TRPM2: variants seen among roughly 807,000 people sequenced by gnomAD.
The protein encoded by TRPM2 is estrogen-responsive element-associated gene 1 protein.
In TRPM2, 161 loss-of-function variants were observed where a neutral mutation model predicts 174.0. The observed-to-expected ratio is 0.93, with a 90% CI of 0.81 to 1.05. The LOEUF is 1.05. TRPM2 is among the 50% of genes least tolerant of loss of function. The pLI, the probability that TRPM2 is intolerant of heterozygous loss-of-function variation, is 0.00. For synonymous variants in TRPM2, 954 were observed against 861.3 expected, an observed-to-expected ratio of 1.11 and a Z score of -1.88; for missense variants, 2,057 against 2,038.0, an observed-to-expected ratio of 1.01 and a Z score of -0.18.
chr21:44,406,709 G>C lies in TRPM2; in HGVS notation c.2906G>C (p.Gly969Ala). Residue 969 changes from glycine to alanine, a missense_variant, in exon 19 of 32, where the codon GGG becomes GCG. Gly to Ala is a moderately conservative substitution (Grantham distance 60, BLOSUM62 0). Coordinates refer to ENST00000397928, the MANE Select transcript of TRPM2 (RefSeq NM_003307.4). ...NERRVDWLFRGAVYHSYLTIF... is the reference protein window; with the variant it reads ...NERRVDWLFRAAVYHSYLTIF... ...CGCCGGGTGGACTGGCTGTTCCGAG[G>C]GGCCGTCTACCACTCCTACCTCACC... is the stretch of plus-strand genomic sequence containing the variant. 6.2e-7 allele frequency: 1 copy of C among 1,608,892 alleles called. No homozygotes were observed. Among genetic ancestry groups the C allele is most frequent in the South Asian group, 1.1e-5 (1 of 90,740 alleles).
At chr21:44,383,767 C>A (rs1484228307) in intron 9 of TRPM2, among the ~76,000 whole-genome samples, 1 of 151,976 alleles carries the variant, frequency 6.6e-6, no homozygotes, top group Non-Finnish European at 1.5e-5. Flanking sequence ...CCTTACACAG[C>A]CAATGGATGA....
intron 19 of TRPM2, among the ~76,000 whole-genome samples, chr21:44,408,171 T>TCCTG (rs2049970241): frequency 6.6e-6 from 1 of 152,076 alleles, no homozygotes. Context: ...GGTCTTGAAC[T>TCCTG]CCTGACCTCA....
In TRPM2 at chr21:44,364,118, G is replaced by A. The variant is rs769464293; in HGVS notation, c.259G>A (p.Val87Met). 5.6e-6 allele frequency: 9 copies of A among 1,613,680 alleles called. No homozygotes were observed. The East Asian group carries it at 1.8e-4, about 32-fold the overall frequency. Reference sequence around the variant, plus strand: ...ACTGGTGCTGTGTCTTTGCAGGAAGGTGGTGTGTCAGTGTGGCTACACGCA... The same window carrying A: ...ACTGGTGCTGTGTCTTTGCAGGAAGATGGTGTGTCAGTGTGGCTACACGCA... ...ESSKLSDAGKVVCQCGYTHEQ... is the reference protein window; with the variant it reads ...ESSKLSDAGKMVCQCGYTHEQ... The change falls in exon 3 of 32, where the codon GTG becomes ATG. Residue 87 changes from valine to methionine, a missense_variant. By Grantham distance (21) the Val-to-Met change is conservative (BLOSUM62 1). Coordinates refer to ENST00000397928, the MANE Select transcript of TRPM2 (RefSeq NM_003307.4).
upstream of TRPM2, among the ~76,000 whole-genome samples, chr21:44,353,062 A>T (rs2047952690): frequency 6.6e-6 from 1 of 152,242 alleles, no homozygotes; most frequent in East Asian, 1.9e-4. Flanking sequence ...AGGCTAAGGC[A>T]GGAGAATCAC....
rs138387441 is a variant in TRPM2 at position 44,357,856 on chromosome 21, G to A, written c.254+3120G>A. Reference sequence around the variant, plus strand: ...AGATCTGCTGCACCGAGTCTGTCCCGCACAGAAGCCGCTCTCATCTCACCA... The same window carrying A: ...AGATCTGCTGCACCGAGTCTGTCCCACACAGAAGCCGCTCTCATCTCACCA... On this transcript the variant is annotated intron_variant, in intron 2 of 31. Transcript: ENST00000397928. Among the ~76,000 whole-genome samples, 668 of 152,246 alleles carry A rather than the reference G, an allele frequency of 4.4e-3. 4 individuals carry two copies. The highest frequency in any genetic ancestry group is 0.016 in the African/African-American group (645 of 41,542).
chr21:44,418,363 G>A (rs2050390327), intron 21 of TRPM2, 60 bp from the exon 22 acceptor site: 1 of 1,591,926 alleles, frequency 6.3e-7, no homozygotes, highest in Non-Finnish European at 8.6e-7. Context: ...GTGGGTCAGG[G>A]CTTCAGGGCC....
rs149088338 is a variant in TRPM2 at position 44,395,447 on chromosome 21, C to A, written c.1828C>A (p.Arg610Ser). The change falls in exon 12 of 32, where the codon CGT (arginine) becomes AGT (serine). Residue 610 changes from arginine (R) to serine (S), a missense_variant. Coordinates refer to ENST00000397928, the MANE Select transcript of TRPM2 (RefSeq NM_003307.4). Reference sequence around the variant, plus strand: ...AGTGAGCCTCCGGTCCCTCTACAAGCGTTCCTCAGGCCATGTGACCTTCAC... The same window carrying A: ...AGTGAGCCTCCGGTCCCTCTACAAGAGTTCCTCAGGCCATGTGACCTTCAC... Reference protein sequence around the residue: ...QGVSLRSLYKRSSGHVTFTMD... With the variant: ...QGVSLRSLYKSSSGHVTFTMD... 3 of 1,612,902 alleles carry A rather than the reference C, an allele frequency of 1.9e-6. No individual in the cohort carries two copies. The South Asian group carries it at 3.3e-5, about 18-fold the overall frequency.
At position 44,391,556 on chromosome 21, in the gene TRPM2, G is replaced by A. The variant is rs757150764; in HGVS notation, c.1725G>A (p.Pro575=). 2.5e-6 allele frequency: 4 copies of A among 1,597,660 alleles called. No homozygotes were observed. The highest frequency in any genetic ancestry group is 1.1e-5 in the South Asian group (1 of 90,880). Residue 575 remains proline (P), a synonymous_variant, in exon 11 of 32, where the codon CCG becomes CCA. Coordinates refer to ENST00000397928, the MANE Select transcript of TRPM2 (RefSeq NM_003307.4). This position sits in a 1 kb window ranked among gnomAD's most constrained non-coding sequence, Gnocchi z 5.0. ...AGCTGCTGGGGGACTTCACGCAGCCGCTTTATCCCCGGCCCCGGCACAACG... is the reference window on the plus strand; with the variant it reads ...AGCTGCTGGGGGACTTCACGCAGCCACTTTATCCCCGGCCCCGGCACAACG... ...LRELLGDFTQ[P]LYPRPRHNDR...
At chr21:44,388,650 CA>C (rs60322957) in intron 9 of TRPM2, among the ~76,000 whole-genome samples, 20,376 of 82,742 alleles carry the variant, frequency 0.25, 1,714 homozygotes, top group African/African-American at 0.38. Context: ...CCTGTCACTA[CA>C]AAAAAAAAAA....
At chr21:44,406,995 A>T (rs2049911233) in intron 19 of TRPM2, among the ~76,000 whole-genome samples, 1 of 150,030 alleles carries the variant, frequency 6.7e-6, no homozygotes, top group Non-Finnish European at 1.5e-5. Flanking sequence ...GAGTGGTGCC[A>T]CGCAGAGGTC....
At chr21:44,359,757 AT>A (rs59713228) in intron 2 of TRPM2, among the ~76,000 whole-genome samples, 7 of 148,106 alleles carry the variant, frequency 4.7e-5, no homozygotes, top group East Asian at 3.9e-4. Flanking sequence ...ATATATATAT[AT>A]TTTTTTTGAG....
At chr21:44,400,213 G>A (rs1445297570) in intron 14 of TRPM2, 46 bp from the exon 15 acceptor site, 2 of 1,539,830 alleles carry the variant, frequency 1.3e-6, no homozygotes, top group African/African-American at 2.7e-5. Context: ...CACCATCTGG[G>A]GCACAGGGCT....
Position 44,434,309 on chromosome 21 carries a change from A to G in TRPM2, c.3975-822A>G, listed in dbSNP as rs531774947. 1.9e-4 allele frequency among the ~76,000 whole-genome samples: 28 copies of G among 149,620 alleles called. No individual in the cohort carries two copies. In the South Asian group the frequency reaches 5.8e-3, roughly 31 times the overall value. On this transcript the variant is annotated intron_variant, in intron 27 of 31. Coordinates refer to ENST00000397928, the MANE Select transcript of TRPM2 (RefSeq NM_003307.4). Reference sequence around the variant, plus strand: ...GACGCTGGCAGGGATGGTGACGGAGACTGTGGCGAGGACTGTGGCAGGGAC... The same window carrying G: ...GACGCTGGCAGGGATGGTGACGGAGGCTGTGGCGAGGACTGTGGCAGGGAC...
At position 44,405,225 on chromosome 21, in the gene TRPM2, C is replaced by T. The variant is rs202042869; in HGVS notation, c.2622C>T (p.Gly874=). The change falls in exon 17 of 32, where the codon GGC becomes GGT. Residue 874 remains glycine, a synonymous_variant. Coordinates refer to ENST00000397928, the MANE Select transcript of TRPM2 (RefSeq NM_003307.4). ...ACTTCTGGAATAAGCTGGACGTCGG[C>T]GCAATCTTGCTCTTCGTGGCAGGGC... ...FSDFWNKLDV[G]AILLFVAGLT... The T allele has an allele frequency of 3.6e-5, 58 of 1,613,226 alleles. No individual in the cohort carries two copies. Among genetic ancestry groups the T allele is most frequent in the Middle Eastern group, 1.6e-4 (1 of 6,082 alleles).
chr21:44,362,179 A>G (rs1474222734), intron 2 of TRPM2, among the ~76,000 whole-genome samples: 1 of 152,066 alleles, frequency 6.6e-6, no homozygotes, highest in African/African-American at 2.4e-5. Context: ...CTTAATCTAT[A>G]ATATAATTGC....
chr21:44,403,122 C>T (rs1324163956), intron 16 of TRPM2, among the ~76,000 whole-genome samples: 1 of 152,178 alleles, frequency 6.6e-6, no homozygotes, highest in East Asian at 1.9e-4. Flanking sequence ...ACCCTCTCTA[C>T]AAGGGGCCAG....
chr21:44,391,572 C>G lies in TRPM2; in HGVS notation c.1741C>G (p.Arg581Gly), dbSNP rs749455789. ...DFTQPLYPRP[R>G]HNDRLRLLLP... ...CACGCAGCCGCTTTATCCCCGGCCCCGGCACAACGACCGGCTGCGGCTCCT... is the reference window on the plus strand; with the variant it reads ...CACGCAGCCGCTTTATCCCCGGCCCGGGCACAACGACCGGCTGCGGCTCCT... The change falls in exon 11 of 32, where the codon CGG (arginine) becomes GGG (glycine). Residue 581 changes from arginine (R) to glycine (G), a missense_variant. Transcript: ENST00000397928. The surrounding 1 kb of genome is among the most constrained non-coding windows in gnomAD (Gnocchi z 5.0). The G allele has an allele frequency of 3.8e-6, 6 of 1,592,640 alleles. No individual in the cohort carries two copies. The highest frequency in any genetic ancestry group is 5.1e-6 in the Non-Finnish European group (6 of 1,175,372).
intron 9 of TRPM2, among the ~76,000 whole-genome samples, chr21:44,386,032 T>C (rs1300258642): frequency 6.6e-6 from 1 of 152,126 alleles, no homozygotes; most frequent in East Asian, 1.9e-4. Flanking sequence ...TTCTACAACA[T>C]ACCCCTGAAC....
chr21:44,354,737 G>A lies in TRPM2; in HGVS notation c.254+1G>A. 6.2e-7 allele frequency: 1 copy of A among 1,614,042 alleles called. No individual in the cohort carries two copies. The highest frequency in any genetic ancestry group is 1.6e-4 in the Middle Eastern group (1 of 6,062). The stretch of plus-strand genomic sequence containing the variant: ...AAAGTTCCAAACTGTCTGATGCTGG[G>A]TAAGTGACGTGATTTGTGTGTAAGA... On this transcript the variant is annotated splice_donor_variant, in intron 2 of 31. Transcript: ENST00000397928. LOFTEE classifies it high-confidence loss of function. This position sits in a 1 kb window ranked among gnomAD's most constrained non-coding sequence, Gnocchi z 4.3.
Sources: allele counts gnomAD v4.1 joint callset (sites outside exome capture counted in the v4.1 genomes callset), GRCh38; gene constraint gnomAD v4.1.1; non-coding constraint Gnocchi (gnomAD v3.1); transcripts MANE v1.5; gene names NCBI Gene and HGNC (gene_info 2026-07-23, HGNC 2026-07-21).